ZBTB1: variants seen among roughly 807,000 people sequenced by gnomAD.
ZBTB1 encodes the protein zinc finger and BTB domain containing 1, also known as zinc finger and BTB domain-containing protein 1.
ZBTB1 carries 13 observed loss-of-function variants against 51.6 expected under a neutral mutation model. The observed-to-expected ratio is 0.25, with a 90% confidence interval of 0.16 to 0.40. ZBTB1 has a LOEUF of 0.40. Ranked by LOEUF, ZBTB1 falls within the 10% of genes least tolerant of loss-of-function variation. The pLI, the probability that ZBTB1 is intolerant of heterozygous loss-of-function variation, is 1.00. For missense variants in ZBTB1, 567 were observed against 856.5 expected, an observed-to-expected ratio of 0.66 and a Z score of 4.22; for synonymous variants, 240 against 282.2, an observed-to-expected ratio of 0.85 and a Z score of 1.50.
At chr14:64,519,949 T>G (rs570446210) in intron 1 of ZBTB1, among the ~76,000 whole-genome samples, 1 of 152,084 alleles carries the variant, frequency 6.6e-6, no homozygotes, top group African/African-American at 2.4e-5. Context: ...AAGGCACTGA[T>G]CAAACTTGTT....
At chr14:64,505,158 CTGA>C in intron 1 of ZBTB1, 1 of 337,258 alleles carries the variant, frequency 3.0e-6, no homozygotes, top group Admixed American at 4.9e-5. Flanking sequence ...TGCGGCCTCC[CTGA>C]GTCGGAGGCG....
At chr14:64,504,177 G>C (rs926726378), upstream of ZBTB1, 5 of 152,726 alleles carry the variant, frequency 3.3e-5, no homozygotes, top group African/African-American at 1.2e-4. Context: ...CGGGAGCCTG[G>C]GTGGAGAGGC....
At chr14:64,524,993 A>G, downstream of ZBTB1, 1 of 924,252 alleles carries the variant, frequency 1.1e-6, no homozygotes, top group Non-Finnish European at 1.3e-6. Context: ...TACCCTTTTC[A>G]TAATGAAAGG....
intron 1 of ZBTB1, among the ~76,000 whole-genome samples, chr14:64,513,652 G>GTTTATT (rs1013580692): frequency 5.3e-5 from 8 of 152,158 alleles, no homozygotes; most frequent in East Asian, 1.9e-4. Context: ...ATTCAATATA[G>GTTTATT]TTTATTTTTA....
intron 1 of ZBTB1, among the ~76,000 whole-genome samples, chr14:64,517,781 A>ATATATATATATATTTTTT (rs1160337478): frequency 2.4e-5 from 1 of 41,562 alleles, no homozygotes; most frequent in Non-Finnish European, 4.6e-5. Flanking sequence ...ATATATATAT[A>ATATATATATATATTTTTT]TTTTTTTTTT....
Position 64,524,024 on chromosome 14 carries a change from G to A in ZBTB1, c.*378G>A. On this transcript the variant is annotated 3_prime_UTR_variant, in exon 2 of 2. Transcript: ENST00000683701. Reference sequence around the variant, plus strand: ...GTTATCCTGTGAAATTTTAAACCCAGAATCATTGGCCATTTCTGTTTAAAT... The same window carrying A: ...GTTATCCTGTGAAATTTTAAACCCAAAATCATTGGCCATTTCTGTTTAAAT... 1.0e-6 allele frequency: 1 copy of A among 1,002,088 alleles called. No individual in the cohort carries two copies. The highest frequency in any genetic ancestry group is 1.2e-6 in the Non-Finnish European group (1 of 832,014). 62.1% of individuals were successfully genotyped at this position (1,002,088 alleles called of 1,614,324 possible).
Position 64,521,482 on chromosome 14 carries a change from C to T in ZBTB1, c.-18-5C>T. On this transcript the variant is annotated splice_polypyrimidine_tract_variant and splice_region_variant and intron_variant, in intron 1 of 1. Transcript: ENST00000683701. ...GTTTGACTTTAATATTTTTGTTTTA[C>T]ATAGGTCTCTAATTAACAGAAGATG... 6.4e-7 allele frequency: 1 copy of T among 1,554,212 alleles called. No homozygotes were observed. Among genetic ancestry groups the T allele is most frequent in the Non-Finnish European group, 8.7e-7 (1 of 1,154,166 alleles).
At chr14:64,506,475 G>C (rs966973679) in intron 1 of ZBTB1, among the ~76,000 whole-genome samples, 20 of 152,228 alleles carry the variant, frequency 1.3e-4, no homozygotes, top group African/African-American at 3.9e-4. Flanking sequence ...GGAGGTTGCA[G>C]TGAGCCGAAA....
Position 64,521,471 on chromosome 14 carries a change from T to C in ZBTB1, c.-18-16T>C, listed in dbSNP as rs1348610225. On this transcript the variant is annotated splice_polypyrimidine_tract_variant and intron_variant, in intron 1 of 1. Coordinates refer to ENST00000683701, the MANE Select transcript of ZBTB1 (RefSeq NM_001123329.2). ...TTCTATATCTTGTTTGACTTTAATA[T>C]TTTTGTTTTACATAGGTCTCTAATT... is the stretch of plus-strand genomic sequence containing the variant. 2.0e-6 allele frequency: 3 copies of C among 1,529,150 alleles called. No individual in the cohort carries two copies. Among genetic ancestry groups the C allele is most frequent in the Admixed American group, 2.2e-5 (1 of 44,600 alleles). 94.7% of individuals were successfully genotyped at this position (1,529,150 alleles called of 1,614,324 possible).
chr14:64,528,618 G>T (rs1241068818), downstream of ZBTB1, among the ~76,000 whole-genome samples: 2 of 152,100 alleles, frequency 1.3e-5, no homozygotes, highest in Non-Finnish European at 2.9e-5. Context: ...AACAAGTAGG[G>T]TTATATTTGG....
At chr14:64,528,344 CTT>C (rs71123857), downstream of ZBTB1, among the ~76,000 whole-genome samples, 4,316 of 115,480 alleles carry the variant, frequency 0.037, 52 homozygotes, top group South Asian at 0.085. Context: ...TTTTTCTTTT[CTT>C]TTTTTTTTTT....
chr14:64,504,283 G>T, upstream of ZBTB1, among the ~76,000 whole-genome samples: 1 of 152,086 alleles, frequency 6.6e-6, no homozygotes, highest in East Asian at 2.0e-4. Flanking sequence ...GGGACTGGGC[G>T]ACCCTGAACC....
chr14:64,504,231 CA>C (rs1352752226), upstream of ZBTB1: 2 of 146,674 alleles, frequency 1.4e-5, no homozygotes, highest in Non-Finnish European at 3.0e-5. Context: ...GACTCAGGGC[CA>C]GAGGCAGCAG....
Position 64,524,584 on chromosome 14 carries a change from G to A in ZBTB1, c.*938G>A. On this transcript the variant is annotated 3_prime_UTR_variant, in exon 2 of 2. Coordinates refer to ENST00000683701, the MANE Select transcript of ZBTB1 (RefSeq NM_001123329.2). ...TTACAATACATACTTCTGGAACTTT[G>A]AGATTTGAGAAAGCTTCCATGTATA... 2 of 983,096 alleles carry A rather than the reference G, an allele frequency of 2.0e-6. No homozygotes were observed. The highest frequency in any genetic ancestry group is 2.4e-6 in the Non-Finnish European group (2 of 827,928). 60.9% of individuals were successfully genotyped at this position (983,096 alleles called of 1,614,324 possible).
At chr14:64,517,782 T>TATATATA (rs1491377695) in intron 1 of ZBTB1, among the ~76,000 whole-genome samples, 13 of 34,796 alleles carry the variant, frequency 3.7e-4, no homozygotes, top group South Asian at 3.7e-3. Flanking sequence ...TATATATATA[T>TATATATA]TTTTTTTTTT....
chr14:64,530,752 A>G (rs2079936615), intron 2 of ZBTB1, among the ~76,000 whole-genome samples: 1 of 152,218 alleles, frequency 6.6e-6, no homozygotes, highest in Non-Finnish European at 1.5e-5. Flanking sequence ...GTCAATTAGT[A>G]GTGTCAAAAT....
At chr14:64,505,610 A>T (rs546631164) in intron 1 of ZBTB1, among the ~76,000 whole-genome samples, 1 of 152,318 alleles carries the variant, frequency 6.6e-6, no homozygotes, top group East Asian at 1.9e-4. Context: ...GGGAGTCGTT[A>T]CTACTAAAGT....
At chr14:64,509,764 G>A (rs1409144660) in intron 1 of ZBTB1, among the ~76,000 whole-genome samples, 1 of 151,750 alleles carries the variant, frequency 6.6e-6, no homozygotes, top group African/African-American at 2.4e-5. Context: ...GAGGTCAGGA[G>A]ATTGAGACCA....
chr14:64,512,020 C>G (rs1010128904), intron 1 of ZBTB1, among the ~76,000 whole-genome samples: 1 of 152,206 alleles, frequency 6.6e-6, no homozygotes, highest in Non-Finnish European at 1.5e-5. Context: ...CTTAGGGCCT[C>G]AGTTTGCTTT....
Sources: gnomAD v4.1 joint callset for allele counts (sites outside exome capture counted in the v4.1 genomes callset) on GRCh38, gnomAD v4.1.1 for gene constraint, MANE v1.5 for transcripts, NCBI Gene and HGNC (gene_info 2026-07-23, HGNC 2026-07-21) for gene names.